The following NEGR1 variants were observed in gnomAD, a reference collection of about 807,000 sequenced individuals.
The protein encoded by NEGR1 is IgLON family member 4.
A neutral mutation model predicts 40.9 loss-of-function variants in NEGR1; 10 were observed. The ratio of observed to expected loss-of-function variants is 0.24; its 90% confidence interval spans 0.15 to 0.42. The LOEUF (loss-of-function observed/expected upper bound fraction) is 0.42. Ranked by LOEUF, NEGR1 falls within the 10% of genes least tolerant of loss-of-function variation. The probability of loss-of-function intolerance (pLI) is 1.00; values close to 1 mark genes in which losing one functional copy is unlikely to be tolerated. For missense variants in NEGR1, 352 were observed against 438.9 expected (o/e 0.80, Z 1.77); for synonymous variants, 185 against 166.8 (o/e 1.11, Z -0.84).
intron 1 of NEGR1, among the ~76,000 whole-genome samples, chr1:72,088,796 C>CTTTTTTTTTTTTTTTTTTTTTTT (rs71074816): frequency 2.7e-4 from 20 of 74,904 alleles, no homozygotes; most frequent in Non-Finnish European, 3.8e-4. Context: ...CTCTCTCTCT[C>CTTTTTTTTTTTTTTTTTTTTTTT]TTTTTTTTTT....
At chr1:72,024,489 G>C (rs1226190076) in intron 1 of NEGR1, among the ~76,000 whole-genome samples, 1 of 151,908 alleles carries the variant, frequency 6.6e-6, no homozygotes, top group Non-Finnish European at 1.5e-5. Context: ...TTGATAAATG[G>C]TGTCACAAAA....
At chr1:71,574,375 T>C (rs983137538) in intron 6 of NEGR1, among the ~76,000 whole-genome samples, 1 of 152,202 alleles carries the variant, frequency 6.6e-6, no homozygotes, top group East Asian at 1.9e-4. Flanking sequence ...CATTAGCTTG[T>C]AAGTAGGGTA....
At chr1:72,109,097 A>T (rs972950320) in intron 1 of NEGR1, among the ~76,000 whole-genome samples, 1 of 151,676 alleles carries the variant, frequency 6.6e-6, no homozygotes, top group Non-Finnish European at 1.5e-5. Context: ...TTTCAGCTAA[A>T]CAAAGTATAA....
intron 1 of NEGR1, among the ~76,000 whole-genome samples, chr1:72,048,400 G>A (rs1027125130): frequency 7.3e-5 from 9 of 123,302 alleles, no homozygotes; most frequent in African/African-American, 1.7e-4. Flanking sequence ...GAAACAAATC[G>A]TATCCCTTCT....
intron 3 of NEGR1, among the ~76,000 whole-genome samples, chr1:71,698,447 C>T (rs1486554357): frequency 1.3e-5 from 2 of 150,280 alleles, no homozygotes; most frequent in African/African-American, 4.8e-5. Context: ...TTGAGTTCAA[C>T]AACCTCTGAG....
chr1:71,979,025 T>TA lies in NEGR1; in HGVS notation c.177-43715dup, dbSNP rs201663147. On this transcript the variant is annotated intron_variant, in intron 1 of 6. Coordinates refer to ENST00000357731, the MANE Select transcript of NEGR1 (RefSeq NM_173808.3). ...TACACTATAAAATACTAAACAGCGATAAAAAAAAAGAATGAAACCATGTCC... is the reference window on the plus strand; with the variant it reads ...TACACTATAAAATACTAAACAGCGATAAAAAAAAAAGAATGAAACCATGTCC... Among the ~76,000 whole-genome samples, 417 of 150,898 alleles carry TA rather than the reference T, an allele frequency of 2.8e-3. 2 individuals carry two copies. Among genetic ancestry groups the TA allele is most frequent in the East Asian group, 0.023 (118 of 5,130 alleles).
At chr1:71,557,148 A>G (rs1181494778) in intron 6 of NEGR1, among the ~76,000 whole-genome samples, 1 of 151,660 alleles carries the variant, frequency 6.6e-6, no homozygotes, top group East Asian at 1.9e-4. Context: ...CCTTTATGGT[A>G]GAGATAGTTC....
chr1:72,098,446 T>C (rs1648797539), intron 1 of NEGR1, among the ~76,000 whole-genome samples: 1 of 152,118 alleles, frequency 6.6e-6, no homozygotes, highest in African/African-American at 2.4e-5. Flanking sequence ...AAATCATAGA[T>C]GCTGGCTCTA....
chr1:71,501,520 G>A (rs1280716511), intron 6 of NEGR1, among the ~76,000 whole-genome samples: 1 of 152,080 alleles, frequency 6.6e-6, no homozygotes, highest in Non-Finnish European at 1.5e-5. Context: ...ACTACCAAGA[G>A]CTGCATGACT....
intron 3 of NEGR1, among the ~76,000 whole-genome samples, chr1:71,700,544 C>T (rs1653654176): frequency 6.6e-6 from 1 of 151,962 alleles, no homozygotes; most frequent in African/African-American, 2.4e-5. Flanking sequence ...AAATTTACTG[C>T]TTAAAACCAG....
intron 3 of NEGR1, among the ~76,000 whole-genome samples, chr1:71,755,788 T>C (rs541549090): frequency 2.8e-4 from 42 of 152,296 alleles, no homozygotes; most frequent in African/African-American, 9.9e-4. Context: ...GGCAAGATTT[T>C]AAACTCCTTG....
At chr1:72,061,970 T>A (rs1164424995) in intron 1 of NEGR1, among the ~76,000 whole-genome samples, 1 of 151,834 alleles carries the variant, frequency 6.6e-6, no homozygotes, top group Non-Finnish European at 1.5e-5. Flanking sequence ...CCCACATTGC[T>A]ACCAGAGATC....
intron 1 of NEGR1, among the ~76,000 whole-genome samples, chr1:72,105,216 C>T (rs768616869): frequency 6.6e-6 from 1 of 152,022 alleles, no homozygotes; most frequent in South Asian, 2.1e-4. Flanking sequence ...TACATCATTC[C>T]CATCATTAAA....
At chr1:71,639,280 G>A (rs1272419951) in intron 4 of NEGR1, among the ~76,000 whole-genome samples, 1 of 151,206 alleles carries the variant, frequency 6.6e-6, no homozygotes, top group Admixed American at 6.6e-5. Context: ...TGTCAACTAG[G>A]TGAGTTTGTG....
intron 6 of NEGR1, among the ~76,000 whole-genome samples, chr1:71,559,140 A>T (rs1334298469): frequency 6.7e-6 from 1 of 149,934 alleles, no homozygotes; most frequent in Non-Finnish European, 1.5e-5. Flanking sequence ...TTTATGGTTC[A>T]TTCTAGCATT....
intron 2 of NEGR1, among the ~76,000 whole-genome samples, chr1:71,906,755 A>G (rs898395521): frequency 1.3e-5 from 2 of 152,242 alleles, no homozygotes; most frequent in African/African-American, 4.8e-5. Flanking sequence ...ACAAAAATCA[A>G]TAAAATATAG....
intron 2 of NEGR1, among the ~76,000 whole-genome samples, chr1:71,887,992 G>GACACAC (rs57794150): frequency 8.0e-4 from 111 of 138,274 alleles, no homozygotes; most frequent in Middle Eastern, 3.7e-3. Context: ...CTTTTGAAAG[G>GACACAC]ACACACACAC....
At chr1:72,097,357 A>AC (rs1648742007) in intron 1 of NEGR1, among the ~76,000 whole-genome samples, 2 of 152,188 alleles carry the variant, frequency 1.3e-5, no homozygotes, top group Admixed American at 1.3e-4. Flanking sequence ...TAAAGTATTA[A>AC]CTATTGTTGT....
intron 1 of NEGR1, among the ~76,000 whole-genome samples, chr1:72,015,421 C>T (rs1332220133): frequency 1.3e-5 from 2 of 151,740 alleles, no homozygotes; most frequent in Admixed American, 6.6e-5. Flanking sequence ...CTATGCTATT[C>T]AACTAAAATT....
Sources: gnomAD v4.1 joint callset for allele counts (sites outside exome capture counted in the v4.1 genomes callset) on GRCh38, gnomAD v4.1.1 for gene constraint, MANE v1.5 for transcripts, NCBI Gene and HGNC (gene_info 2026-07-23, HGNC 2026-07-21) for gene names.